Variants in TBC1D23 observed in about 807,000 individuals in gnomAD.
TBC1D23 encodes HCV non-structural protein 4A-transactivated protein 1.
In TBC1D23, 55 loss-of-function variants were observed where a neutral mutation model predicts 91.4. That is an observed-to-expected ratio of 0.60 (90% CI 0.48 to 0.75). The LOEUF (loss-of-function observed/expected upper bound fraction) is 0.75. TBC1D23 is among the 30% of genes least tolerant of loss of function. The pLI is 0.00. For synonymous variants in TBC1D23, 289 were observed against 281.0 expected, an observed-to-expected ratio of 1.03 and a Z score of -0.28; for missense variants, 725 against 836.1, an observed-to-expected ratio of 0.87 and a Z score of 1.64.
At chr3:100,283,974 T>A (rs1318747014) in intron 4 of TBC1D23, 163 bp downstream of exon 4, 1 of 543,698 alleles carries the variant, frequency 1.8e-6, no homozygotes, top group East Asian at 2.8e-5. Flanking sequence ...GTTATAAACA[T>A]TTTTTAAAAG....
In TBC1D23 at chr3:100,313,538, A is replaced by G. The variant is rs1705668303; in HGVS notation, c.1598+1661A>G. 2.0e-5 allele frequency among the ~76,000 whole-genome samples: 3 copies of G among 152,208 alleles called. No individual in the cohort carries two copies. In the East Asian group the frequency reaches 5.8e-4, roughly 29 times the overall value. On this transcript the variant is annotated intron_variant, in intron 15 of 18. Transcript: ENST00000394144. The stretch of plus-strand genomic sequence containing the variant: ...AATAATCCTTAGCATTCATGTTTAT[A>G]AAAAATTTGCATTGTATTATAAATC...
At chr3:100,314,881 C>T (rs1461705928) in intron 15 of TBC1D23, among the ~76,000 whole-genome samples, 1 of 152,144 alleles carries the variant, frequency 6.6e-6, no homozygotes, top group East Asian at 1.9e-4. Context: ...TTTCATGTTA[C>T]ATGCACACAC....
chr3:100,276,351 CAA>C (rs1040103290), intron 1 of TBC1D23, among the ~76,000 whole-genome samples: 2 of 151,656 alleles, frequency 1.3e-5, no homozygotes, highest in African/African-American at 4.8e-5. Context: ...TTTAGGAACA[CAA>C]TATATGTAAT....
chr3:100,306,541 G>A lies in TBC1D23; in HGVS notation c.1411G>A (p.Asp471Asn). 6.4e-7 allele frequency: 1 copy of A among 1,568,836 alleles called. No homozygotes were observed. The highest frequency in any genetic ancestry group is 1.3e-5 in the African/African-American group (1 of 74,080). ...CTCAAGGAGCAGTATCAATTCTGTT[G>A]ATGTAAGTATATGTAGAGAATATGT... ...SGSRSSINSV[D>N]GESPNGSSDR... The change falls in exon 13 of 19, where the codon GAT becomes AAT. Residue 471 changes from aspartate (D) to asparagine (N), a missense_variant and splice_region_variant. By Grantham distance (23) the Asp-to-Asn change is conservative. Coordinates refer to ENST00000394144, the MANE Select transcript of TBC1D23 (RefSeq NM_001199198.3).
chr3:100,262,741 A>AAC (rs2067523331), intron 1 of TBC1D23, among the ~76,000 whole-genome samples: 1 of 151,558 alleles, frequency 6.6e-6, no homozygotes, highest in African/African-American at 2.4e-5. Flanking sequence ...AAAAAAAAAA[A>AAC]AAAACACTAA....
chr3:100,296,298 C>T (rs1342969405), intron 8 of TBC1D23, 23 bp downstream of exon 8: 1 of 1,295,722 alleles, frequency 7.7e-7, no homozygotes, highest in Admixed American at 2.1e-5. Flanking sequence ...AAATGACCAA[C>T]TATGTTGTAT....
At chr3:100,263,099 G>C (rs12631115) in intron 1 of TBC1D23, among the ~76,000 whole-genome samples, 35,793 of 152,112 alleles carry the variant, frequency 0.24, 4,680 homozygotes, top group East Asian at 0.5. Flanking sequence ...AGTCCGAAAA[G>C]AGAGTCAGCG....
At chr3:100,291,792 T>C (rs1021376324) in intron 5 of TBC1D23, among the ~76,000 whole-genome samples, 1 of 139,388 alleles carries the variant, frequency 7.2e-6, no homozygotes, top group Admixed American at 7.5e-5. Flanking sequence ...CTGCTTTTTT[T>C]TTTCTTTTTT....
chr3:100,308,431 C>T (rs548962261), intron 13 of TBC1D23, among the ~76,000 whole-genome samples: 79 of 151,714 alleles, frequency 5.2e-4, no homozygotes, highest in African/African-American at 1.9e-3. Context: ...GCCCACATCC[C>T]GCCACTGCAC....
chr3:100,292,225 C>T (rs2067797757), intron 5 of TBC1D23, among the ~76,000 whole-genome samples: 1 of 152,188 alleles, frequency 6.6e-6, no homozygotes, highest in Admixed American at 6.5e-5. Context: ...CTGGGGACTT[C>T]TACGAGGTCC....
rs1054617962 is a variant in TBC1D23, at chr3:100,297,803, T to TA, written c.877-114dup. The TA allele has an allele frequency of 3.1e-5, 25 of 815,426 alleles. No individual in the cohort carries two copies. The Admixed American group carries it at 4.6e-4, about 15-fold the overall frequency. 50.5% of individuals were successfully genotyped at this position (815,426 alleles called of 1,614,324 possible). ...TTTGAGATTATGTAGTATTAAGTTT[T>TA]AAAAAATCACAACTCAAGAGTATTA... On this transcript the variant is annotated intron_variant, in intron 8 of 18. Transcript: ENST00000394144.
At chr3:100,262,951 A>G (rs2067525819) in intron 1 of TBC1D23, among the ~76,000 whole-genome samples, 1 of 152,142 alleles carries the variant, frequency 6.6e-6, no homozygotes, top group Non-Finnish European at 1.5e-5. Flanking sequence ...TGGAGCTAAC[A>G]TATTAGTGCA....
At chr3:100,296,752 C>T (rs1208913185) in intron 8 of TBC1D23, among the ~76,000 whole-genome samples, 3 of 149,348 alleles carry the variant, frequency 2.0e-5, no homozygotes, top group East Asian at 4.0e-4. Flanking sequence ...CCCAGCTACT[C>T]GGGAGGCTGA....
At chr3:100,294,708 A>G (rs2067822945) in intron 5 of TBC1D23, among the ~76,000 whole-genome samples, 1 of 152,136 alleles carries the variant, frequency 6.6e-6, no homozygotes, top group Non-Finnish European at 1.5e-5. Flanking sequence ...TTATATTGTA[A>G]TTATTTTAGT....
intron 2 of TBC1D23, among the ~76,000 whole-genome samples, chr3:100,281,315 TAC>T (rs555602601): frequency 9.3e-4 from 142 of 152,308 alleles, no homozygotes; most frequent in African/African-American, 3.2e-3. Flanking sequence ...TTTAAATCAA[TAC>T]AGTTTATTTT....
intron 10 of TBC1D23, among the ~76,000 whole-genome samples, chr3:100,300,312 A>T (rs1705400393): frequency 6.6e-6 from 1 of 152,028 alleles, no homozygotes; most frequent in South Asian, 2.1e-4. Context: ...GAAAAATTTG[A>T]TGCTGAACTG....
rs113333958 is a variant in TBC1D23, at chr3:100,288,668, C to A, written c.477-1910C>A. Among the ~76,000 whole-genome samples, 132 of 152,246 alleles carry A rather than the reference C, an allele frequency of 8.7e-4. 1 individual carries two copies. Among genetic ancestry groups the A allele is most frequent in the African/African-American group, 3.0e-3 (123 of 41,536 alleles). ...TTTATTATGATGGCCTGTGCTTTGA[C>A]CTGTTTATAAGTTTTTGCTGATTCA... On this transcript the variant is annotated intron_variant, in intron 4 of 18. Coordinates refer to ENST00000394144, the MANE Select transcript of TBC1D23 (RefSeq NM_001199198.3).
Position 100,320,947 on chromosome 3 carries a change from G to A in TBC1D23, c.1994G>A (p.Gly665Glu), listed in dbSNP as rs1301921611. Residue 665 changes from glycine to glutamate, a missense_variant, in exon 18 of 19, where the codon GGA (glycine) becomes GAA (glutamate). Physicochemically the swap from Gly to Glu is moderately conservative, Grantham distance 98 (BLOSUM62 -2). Coordinates refer to ENST00000394144, the MANE Select transcript of TBC1D23 (RefSeq NM_001199198.3). ...TFKYGNSSAS[G>E]IEILAIERYL... is the part of the protein sequence containing the mutation. Reference sequence around the variant, plus strand: ...AAGTATGGAAATAGCAGTGCTTCAGGAATAGAAATCTTGGCAATCGAAAGG... The same window carrying A: ...AAGTATGGAAATAGCAGTGCTTCAGAAATAGAAATCTTGGCAATCGAAAGG... 8.1e-6 allele frequency: 13 copies of A among 1,597,310 alleles called. No homozygotes were observed. Among genetic ancestry groups the A allele is most frequent in the Non-Finnish European group, 1.1e-5 (13 of 1,175,184 alleles).
chr3:100,275,212 G>A (rs1032042866), intron 1 of TBC1D23, among the ~76,000 whole-genome samples: 6 of 151,914 alleles, frequency 3.9e-5, no homozygotes, highest in Admixed American at 6.6e-5. Context: ...CCTCATGAGT[G>A]TGACAGGTTC....
Sources: gnomAD v4.1 joint callset for allele counts (sites outside exome capture counted in the v4.1 genomes callset) on GRCh38, gnomAD v4.1.1 for gene constraint, MANE v1.5 for transcripts, NCBI Gene and HGNC (gene_info 2026-07-23, HGNC 2026-07-21) for gene names.